Variants in EPS8 observed in about 807,000 individuals in gnomAD.
EPS8 encodes the protein epidermal growth factor receptor kinase substrate 8.
EPS8 carries 42 observed loss-of-function variants against 103.8 expected under a neutral mutation model. The observed-to-expected ratio is 0.40, with a 90% confidence interval of 0.32 to 0.52. The LOEUF (loss-of-function observed/expected upper bound fraction) is 0.52. Ranked by LOEUF, EPS8 falls within the 20% of genes least tolerant of loss-of-function variation. EPS8 has a pLI of 0.40. For missense variants in EPS8, 969 were observed against 1,005.1 expected (o/e 0.96, Z 0.49); for synonymous variants, 344 against 344.6 (o/e 1.00, Z 0.02).
At chr12:15,664,822 G>A (rs1256360890) in intron 8 of EPS8, among the ~76,000 whole-genome samples, 23 of 152,120 alleles carry the variant, frequency 1.5e-4, no homozygotes, top group Admixed American at 1.4e-3. Context: ...CAATTTATTC[G>A]TCCTTAAAAT....
intron 1 of EPS8, among the ~76,000 whole-genome samples, chr12:15,689,419 C>A (rs999265881): frequency 6.6e-6 from 1 of 152,092 alleles, no homozygotes; most frequent in African/African-American, 2.4e-5. Context: ...CAGAAAAAGA[C>A]CTACCAGGGC....
chr12:15,643,939 C>T (rs1044735655), intron 15 of EPS8, among the ~76,000 whole-genome samples: 12 of 152,102 alleles, frequency 7.9e-5, no homozygotes, highest in South Asian at 2.1e-4. Flanking sequence ...AACTCGAAGG[C>T]GTGGGCTCTA....
At position 15,716,092 on chromosome 12, in the gene EPS8, C is replaced by T. The variant is rs560735183; in HGVS notation, c.-21-33120G>A. 6.6e-6 allele frequency among the ~76,000 whole-genome samples: 1 copy of T among 152,276 alleles called. No homozygotes were observed. The highest frequency in any genetic ancestry group is 1.9e-4 in the East Asian group (1 of 5,178). ...CTATAATCATAAAATTCCAACCCAA[C>T]ATTTCAAAGTATCACTAAACTTGAG... On this transcript the variant is annotated intron_variant, in intron 1 of 20. Transcript: ENST00000281172. This position sits in a 1 kb window ranked among gnomAD's most constrained non-coding sequence, Gnocchi z 5.0.
At chr12:15,707,888 A>G (rs1946409420) in intron 1 of EPS8, among the ~76,000 whole-genome samples, 1 of 152,136 alleles carries the variant, frequency 6.6e-6, no homozygotes, top group Non-Finnish European at 1.5e-5. Context: ...CTCTTTTTGT[A>G]GTTCAGTTCA....
In EPS8 at chr12:15,777,663, T is replaced by C. The variant is rs907243538; in HGVS notation, c.-22+11498A>G. ...CAGTGAGAAAGAGTTAGAATAGTAA[T>C]TGGAAAGCTATCAAAGTTATGAAAA... On this transcript the variant is annotated intron_variant, in intron 1 of 20. Transcript: ENST00000281172. The surrounding 1 kb of genome is among the most constrained non-coding windows in gnomAD (Gnocchi z 4.7). Among the ~76,000 whole-genome samples the C allele has an allele frequency of 2.6e-5, 4 of 152,160 alleles. No homozygotes were observed. The highest frequency in any genetic ancestry group is 2.0e-4 in the Admixed American group (3 of 15,276).
At chr12:15,683,910 CT>C (rs1166218664) in intron 1 of EPS8, 1 of 152,064 alleles carries the variant, frequency 6.6e-6, no homozygotes. Flanking sequence ...CTCTCAATAA[CT>C]GTGAGTTAGG....
intron 19 of EPS8, 109 bp from the exon 20 acceptor site, chr12:15,623,396 A>G: frequency 2.2e-6 from 2 of 915,970 alleles, no homozygotes; most frequent in East Asian, 5.1e-5. Flanking sequence ...AGCGTTCCAT[A>G]CCCTGGAACC....
chr12:15,786,754 T>C (rs1947315507), intron 1 of EPS8, among the ~76,000 whole-genome samples: 2 of 152,150 alleles, frequency 1.3e-5, no homozygotes, highest in Admixed American at 1.3e-4. Context: ...CTTTCTTGCA[T>C]ATATTCAACT....
At position 15,658,167 on chromosome 12, in the gene EPS8, A is replaced by C. The variant is rs1374314789; in HGVS notation, c.1027-14T>G. 1 of 1,561,022 alleles carries C rather than the reference A, an allele frequency of 6.4e-7. No homozygotes were observed. On this transcript the variant is annotated splice_polypyrimidine_tract_variant and intron_variant, in intron 11 of 20. Coordinates refer to ENST00000281172, the MANE Select transcript of EPS8 (RefSeq NM_004447.6). ...CTTCAGTTTGGCCTGCAACATGAAG[A>C]AAACAGAAAACAGATTACTATCAAG...
Position 15,694,295 on chromosome 12 carries a change from G to C in EPS8, c.-21-11323C>G, listed in dbSNP as rs147655152. Among the ~76,000 whole-genome samples, 5 of 152,098 alleles carry C rather than the reference G, an allele frequency of 3.3e-5. No homozygotes were observed. The East Asian group carries it at 9.7e-4, about 29-fold the overall frequency. ...GAAAGTAACACAAAAAAAAATGAAGGAAATTTACATTTGATAAAGTCAGCT... is the reference window on the plus strand; with the variant it reads ...GAAAGTAACACAAAAAAAAATGAAGCAAATTTACATTTGATAAAGTCAGCT... On this transcript the variant is annotated intron_variant, in intron 1 of 20. Coordinates refer to ENST00000281172, the MANE Select transcript of EPS8 (RefSeq NM_004447.6).
At chr12:15,742,607 A>G (rs559266852) in intron 1 of EPS8, among the ~76,000 whole-genome samples, 1 of 152,372 alleles carries the variant, frequency 6.6e-6, no homozygotes, top group South Asian at 2.1e-4. Flanking sequence ...CTGGTTCAAC[A>G]TACACAAATC....
chr12:15,786,033 A>G (rs1322004235), intron 1 of EPS8, among the ~76,000 whole-genome samples: 1 of 151,986 alleles, frequency 6.6e-6, no homozygotes, highest in Non-Finnish European at 1.5e-5. Context: ...TAATTTATAT[A>G]GATTTCTACC....
At chr12:15,756,724 A>G (rs989069182) in intron 1 of EPS8, among the ~76,000 whole-genome samples, 5 of 152,118 alleles carry the variant, frequency 3.3e-5, no homozygotes, top group African/African-American at 9.7e-5. Flanking sequence ...ACTATTTCTT[A>G]TTTACGTAGG....
chr12:15,644,630 C>T (rs978920465), intron 15 of EPS8, among the ~76,000 whole-genome samples: 15 of 150,848 alleles, frequency 9.9e-5, no homozygotes, highest in African/African-American at 3.4e-4. Flanking sequence ...CCCGGGAGGC[C>T]GAGCTTGCAG....
chr12:15,719,997 C>T (rs1221122055), intron 1 of EPS8, among the ~76,000 whole-genome samples: 1 of 152,070 alleles, frequency 6.6e-6, no homozygotes, highest in African/African-American at 2.4e-5. Flanking sequence ...ATGTGACAAA[C>T]AAATCATCAG....
chr12:15,663,118 A>G (rs139796882), intron 8 of EPS8, among the ~76,000 whole-genome samples: 2,688 of 152,202 alleles, frequency 0.018, 46 homozygotes, highest in Non-Finnish European at 0.029. Context: ...GTTAGCTACT[A>G]TTTTACACAT....
intron 1 of EPS8, chr12:15,712,798 G>A (rs980723573): frequency 3.5e-6 from 3 of 847,220 alleles, no homozygotes; most frequent in African/African-American, 1.8e-5. Context: ...TAATAATTAC[G>A]CCTTTGAGAG....
In EPS8 at chr12:15,748,348, T is replaced by C. The variant is rs1023762363; in HGVS notation, c.-22+40813A>G. ...CTCACCAATTTTAAGTATTCATCTA[T>C]TACCAAATAAATTCACCTAGTAGGA... is the stretch of plus-strand genomic sequence containing the variant. On this transcript the variant is annotated intron_variant, in intron 1 of 20. Coordinates refer to ENST00000281172, the MANE Select transcript of EPS8 (RefSeq NM_004447.6). This position sits in a 1 kb window ranked among gnomAD's most constrained non-coding sequence, Gnocchi z 4.8. 2.6e-5 allele frequency among the ~76,000 whole-genome samples: 4 copies of C among 152,202 alleles called. No individual in the cohort carries two copies. The highest frequency in any genetic ancestry group is 9.7e-5 in the African/African-American group (4 of 41,442).
At chr12:15,637,296 C>T (rs776630971) in intron 17 of EPS8, among the ~76,000 whole-genome samples, 2 of 152,266 alleles carry the variant, frequency 1.3e-5, no homozygotes, top group Admixed American at 1.3e-4. Context: ...TCTGGGATTA[C>T]AGGCGTGAGC....
Sources: gnomAD v4.1 joint callset for allele counts (sites outside exome capture counted in the v4.1 genomes callset) on GRCh38, gnomAD v4.1.1 for gene constraint, Gnocchi (gnomAD v3.1) non-coding constraint, MANE v1.5 for transcripts, NCBI Gene and HGNC (gene_info 2026-07-23, HGNC 2026-07-21) for gene names.